RANBP2: variants seen among roughly 807,000 people sequenced by gnomAD.
RANBP2 encodes the protein E3 SUMO-protein ligase RanBP2.
Under a neutral mutation model 303.6 loss-of-function variants are expected in RANBP2, and 57 were observed. That is an observed-to-expected ratio of 0.19 (90% CI 0.15 to 0.23). The LOEUF (loss-of-function observed/expected upper bound fraction) is 0.23, where lower values mean the gene tolerates loss of function less well. RANBP2 is among the 10% of genes least tolerant of loss of function. The probability of loss-of-function intolerance (pLI) is 1.00; values close to 1 mark genes in which losing one functional copy is unlikely to be tolerated. For missense variants in RANBP2, 3,138 were observed against 3,780.8 expected (o/e 0.83, Z 4.46); for synonymous variants, 1,167 against 1,301.5 (o/e 0.90, Z 2.23).
Position 108,775,744 on chromosome 2 carries a change from G to A in RANBP2, c.8305G>A (p.Glu2769Lys), listed in dbSNP as rs1229597541. 2 of 1,613,704 alleles carry A rather than the reference G, an allele frequency of 1.2e-6. No individual in the cohort carries two copies. The highest frequency in any genetic ancestry group is 1.1e-5 in the South Asian group (1 of 91,078). ...TTCCTCTTTGCAGAAATCTCAGACA[G>A]AAGAAATAACTAGCACAACTGACAG... The part of the protein sequence containing the change: ...KVQEAQKSQT[E>K]EITSTTDSVY... The change falls in exon 24 of 29, where the codon GAA (glutamate) becomes AAA (lysine). Residue 2769 changes from glutamate to lysine, a missense_variant. Coordinates refer to ENST00000283195, the MANE Select transcript of RANBP2 (RefSeq NM_006267.5).
chr2:109,430,314 C>CTA, the RANBP2 span, among the ~76,000 whole-genome samples: 1 of 152,248 alleles, frequency 6.6e-6, no homozygotes, highest in Admixed American at 6.5e-5. Flanking sequence ...TTGTATTTCT[C>CTA]TGAGAGCAGG....
the RANBP2 span, chr2:108,908,101 A>G: frequency 1.4e-6 from 2 of 1,461,516 alleles, no homozygotes; most frequent in Non-Finnish European, 1.8e-6. Context: ...GAACTTGTCC[A>G]TTGCCCAGCT....
intron 1 of RANBP2, among the ~76,000 whole-genome samples, chr2:108,722,199 G>T (rs779294118): frequency 4.6e-5 from 7 of 152,134 alleles, no homozygotes; most frequent in Non-Finnish European, 1.0e-4. Flanking sequence ...AAATAAAGTG[G>T]AGTGGTGGCA....
At chr2:109,529,424 G>A in the RANBP2 span, among the ~76,000 whole-genome samples, 3 of 152,272 alleles carry the variant, frequency 2.0e-5, no homozygotes, top group East Asian at 3.9e-4. Context: ...CGGGGAGGCC[G>A]GAGGGTGGGG....
At chr2:109,748,010 C>A in the RANBP2 span, among the ~76,000 whole-genome samples, 2 of 79,716 alleles carry the variant, frequency 2.5e-5, no homozygotes, top group African/African-American at 5.2e-5. Context: ...AACATTTATA[C>A]CTTTTTTTTT....
At chr2:109,435,139 G>A in the RANBP2 span, among the ~76,000 whole-genome samples, 1 of 152,212 alleles carries the variant, frequency 6.6e-6, no homozygotes, top group Non-Finnish European at 1.5e-5. Context: ...GGAGGTCATT[G>A]AGTGTCCTCT....
chr2:109,616,223 C>T, the RANBP2 span: 1 of 1,218,352 alleles, frequency 8.2e-7, no homozygotes, highest in South Asian at 3.0e-5. Flanking sequence ...GGCTAGCCTT[C>T]TGGGAAAAGT....
At chr2:109,055,366 C>CTTTTTTTTTTTTTTTTTTTTTTTTT in the RANBP2 span, among the ~76,000 whole-genome samples, 1 of 133,460 alleles carries the variant, frequency 7.5e-6, no homozygotes, top group Non-Finnish European at 1.6e-5. Flanking sequence ...TTTTTCTTTT[C>CTTTTTTTTTTTTTTTTTTTTTTTTT]TTTTTTTTTT....
At chr2:109,205,883 T>C in the RANBP2 span, among the ~76,000 whole-genome samples, 1 of 152,222 alleles carries the variant, frequency 6.6e-6, no homozygotes, top group Non-Finnish European at 1.5e-5. Flanking sequence ...TGTTTTTTCA[T>C]AGAAACCAAC....
At chr2:109,162,439 G>A in the RANBP2 span, among the ~76,000 whole-genome samples, 2 of 151,910 alleles carry the variant, frequency 1.3e-5, no homozygotes, top group Admixed American at 1.3e-4. Context: ...TATACTTTAA[G>A]TTTTAGGGTA....
At chr2:109,585,392 G>C in the RANBP2 span, 1 of 1,307,752 alleles carries the variant, frequency 7.6e-7, no homozygotes, top group Non-Finnish European at 1.1e-6. Flanking sequence ...TAAATGCCTA[G>C]AGTGGTTTCA....
chr2:108,728,905 A>G (rs1031100728), intron 1 of RANBP2, among the ~76,000 whole-genome samples: 1 of 152,072 alleles, frequency 6.6e-6, no homozygotes, highest in African/African-American at 2.4e-5. Flanking sequence ...CGGCCTCCCA[A>G]AGTGCTGGGA....
At chr2:109,136,226 TAAAA>T in the RANBP2 span, among the ~76,000 whole-genome samples, 1 of 150,978 alleles carries the variant, frequency 6.6e-6, no homozygotes, top group Non-Finnish European at 1.5e-5. Flanking sequence ...TGAGGTGCAT[TAAAA>T]AAAAACACAC....
chr2:109,480,261 C>T, the RANBP2 span, among the ~76,000 whole-genome samples: 2 of 152,212 alleles, frequency 1.3e-5, no homozygotes, highest in Non-Finnish European at 2.9e-5. Context: ...GGCGGCATCT[C>T]CCAGGTGCCC....
At chr2:109,594,146 T>C in the RANBP2 span, among the ~76,000 whole-genome samples, 1 of 152,188 alleles carries the variant, frequency 6.6e-6, no homozygotes, top group East Asian at 1.9e-4. Context: ...CAGTAGAGAA[T>C]GAGGGAAGAG....
At chr2:109,691,322 G>C in the RANBP2 span, among the ~76,000 whole-genome samples, 458 of 152,270 alleles carry the variant, frequency 3.0e-3, 5 homozygotes, top group African/African-American at 0.011. Flanking sequence ...CGGTCTAAAC[G>C]TGGGGACATG....
the RANBP2 span, among the ~76,000 whole-genome samples, chr2:109,318,299 C>T: frequency 6.6e-6 from 1 of 152,052 alleles, no homozygotes; most frequent in Non-Finnish European, 1.5e-5. Context: ...GACTGCTCCT[C>T]CTAGCGTGAC....
intron 7 of RANBP2, among the ~76,000 whole-genome samples, chr2:108,743,970 C>T (rs1235330399): frequency 6.6e-6 from 1 of 152,168 alleles, no homozygotes; most frequent in Non-Finnish European, 1.5e-5. Flanking sequence ...AGGTTATGTG[C>T]TGGCATTTGG....
At chr2:108,902,675 T>C in the RANBP2 span, among the ~76,000 whole-genome samples, 1 of 152,138 alleles carries the variant, frequency 6.6e-6, no homozygotes, top group African/African-American at 2.4e-5. Context: ...TAAAAAAGAA[T>C]TGTACCACAT....
Sources: allele counts gnomAD v4.1 joint callset (sites outside exome capture counted in the v4.1 genomes callset), GRCh38; gene constraint gnomAD v4.1.1; transcripts MANE v1.5; gene names NCBI Gene and HGNC (gene_info 2026-07-23, HGNC 2026-07-21).